Variants in TCF7L2 observed in about 807,000 individuals in gnomAD.
The protein encoded by TCF7L2 is transcription factor 7-like 2.
Under a neutral mutation model 77.9 loss-of-function variants are expected in TCF7L2, and 23 were observed. That is an observed-to-expected ratio of 0.30 (90% CI 0.21 to 0.42). The LOEUF (loss-of-function observed/expected upper bound fraction) is 0.42. Among genes scored for constraint, TCF7L2 ranks in the 10% least tolerant of loss-of-function variants. TCF7L2 has a pLI of 1.00. For synonymous variants in TCF7L2, 413 were observed against 340.2 expected (o/e 1.21, Z -2.36); for missense variants, 654 against 793.1 (o/e 0.82, Z 2.11).
chr10:113,107,184 C>T (rs1255025589), intron 5 of TCF7L2, among the ~76,000 whole-genome samples: 2 of 152,142 alleles, frequency 1.3e-5, no homozygotes, highest in Non-Finnish European at 2.9e-5. Flanking sequence ...AGAGCTTGGC[C>T]TGCCAAAGCT....
chr10:112,986,798 C>G (rs1055242074), intron 4 of TCF7L2, among the ~76,000 whole-genome samples: 2 of 152,168 alleles, frequency 1.3e-5, no homozygotes, highest in African/African-American at 4.8e-5. Flanking sequence ...GCTGCACTCA[C>G]CTCCGTCTCC....
intron 4 of TCF7L2, among the ~76,000 whole-genome samples, chr10:113,028,308 T>A (rs1399407679): frequency 6.6e-6 from 1 of 152,138 alleles, no homozygotes; most frequent in Non-Finnish European, 1.5e-5. Context: ...GCAGCAAGAC[T>A]TGCATGCAGG....
intron 5 of TCF7L2, among the ~76,000 whole-genome samples, chr10:113,072,713 T>C (rs115285261): frequency 0.026 from 4,003 of 152,282 alleles, 197 homozygotes; most frequent in African/African-American, 0.091. Flanking sequence ...TTGTGCATGC[T>C]TGGGAAACTG....
At chr10:113,015,657 T>G (rs905863316) in intron 4 of TCF7L2, among the ~76,000 whole-genome samples, 1 of 152,134 alleles carries the variant, frequency 6.6e-6, no homozygotes, top group Admixed American at 6.6e-5. Flanking sequence ...AAAAAATTTT[T>G]TTTTGTAGAG....
chr10:112,972,555 G>C (rs7897658), intron 4 of TCF7L2, among the ~76,000 whole-genome samples: 22,691 of 151,998 alleles, frequency 0.15, 2,957 homozygotes, highest in African/African-American at 0.35. Context: ...CTGCAGCCTC[G>C]ACCTCCCTGG....
At chr10:113,085,301 C>T (rs969173717) in intron 5 of TCF7L2, among the ~76,000 whole-genome samples, 4 of 151,538 alleles carry the variant, frequency 2.6e-5, no homozygotes, top group Non-Finnish European at 5.9e-5. Context: ...AACTCTTGAG[C>T]TCAAGCAGTC....
At chr10:112,987,176 A>G (rs915068651) in intron 4 of TCF7L2, among the ~76,000 whole-genome samples, 3 of 152,334 alleles carry the variant, frequency 2.0e-5, no homozygotes, top group Non-Finnish European at 4.4e-5. Flanking sequence ...CAAGAGAAAC[A>G]TCAAGATAAA....
At chr10:113,027,930 G>T (rs866490061) in intron 4 of TCF7L2, among the ~76,000 whole-genome samples, 2 of 152,178 alleles carry the variant, frequency 1.3e-5, no homozygotes, top group African/African-American at 2.4e-5. Flanking sequence ...TGAGTGACTA[G>T]GATTAGACCC....
intron 4 of TCF7L2, among the ~76,000 whole-genome samples, chr10:113,036,920 G>A (rs1346462877): frequency 6.6e-6 from 1 of 152,034 alleles, no homozygotes; most frequent in Non-Finnish European, 1.5e-5. Flanking sequence ...AACTAAGTCA[G>A]ATGGTTGGGA....
At chr10:112,951,746 T>C (rs1181268681) in intron 3 of TCF7L2, 139 bp downstream of exon 3, 3 of 278,736 alleles carry the variant, frequency 1.1e-5, no homozygotes, top group East Asian at 1.8e-4. Flanking sequence ...CCTCCCCCGC[T>C]CGTGGCCCAG....
chr10:113,115,981 A>G (rs2063684108), intron 5 of TCF7L2, among the ~76,000 whole-genome samples: 1 of 152,158 alleles, frequency 6.6e-6, no homozygotes, highest in Non-Finnish European at 1.5e-5. Context: ...CCTGTCTTCT[A>G]ATATTATGGA....
intron 5 of TCF7L2, among the ~76,000 whole-genome samples, chr10:113,051,228 CACACACACACACACAG>C (rs1336548967): frequency 6.7e-6 from 1 of 148,284 alleles, no homozygotes; most frequent in African/African-American, 2.5e-5. Context: ...CACACACACA[CACACACACACACACAG>C]ACACATACAT....
At chr10:113,136,492 C>T (rs1030137545) in intron 5 of TCF7L2, among the ~76,000 whole-genome samples, 1 of 152,186 alleles carries the variant, frequency 6.6e-6, no homozygotes, top group African/African-American at 2.4e-5. Flanking sequence ...AGTACAGCAA[C>T]GCAGGCTCTT....
At chr10:113,140,578 T>A (rs1213681191) in intron 5 of TCF7L2, among the ~76,000 whole-genome samples, 1 of 152,114 alleles carries the variant, frequency 6.6e-6, no homozygotes, top group Non-Finnish European at 1.5e-5. Flanking sequence ...GTTTAGAGCT[T>A]TCTGGTAAAG....
chr10:112,951,096 C>T (rs1386755436), intron 1 of TCF7L2, 111 bp from the exon 2 acceptor site: 2 of 1,299,366 alleles, frequency 1.5e-6, no homozygotes, highest in East Asian at 5.5e-5. Context: ...AAACTTGTAA[C>T]CCTGTTTTTT....
chr10:113,134,952 G>A (rs555563411), intron 5 of TCF7L2, among the ~76,000 whole-genome samples: 32 of 152,354 alleles, frequency 2.1e-4, no homozygotes, highest in African/African-American at 7.5e-4. Context: ...CAATAGGGGC[G>A]TATTGAAGAG....
intron 4 of TCF7L2, among the ~76,000 whole-genome samples, chr10:113,037,073 A>G (rs1396937170): frequency 6.6e-6 from 1 of 152,090 alleles, no homozygotes; most frequent in Non-Finnish European, 1.5e-5. Context: ...CTGTAATAGT[A>G]CCTAATTTCC....
intron 5 of TCF7L2, among the ~76,000 whole-genome samples, chr10:113,088,260 G>A (rs1225746120): frequency 6.6e-6 from 1 of 152,028 alleles, no homozygotes; most frequent in East Asian, 1.9e-4. Context: ...TAGAGCCATA[G>A]ACAGGCCAAT....
intron 5 of TCF7L2, among the ~76,000 whole-genome samples, chr10:113,138,741 G>T (rs750513115): frequency 1.3e-5 from 2 of 152,126 alleles, no homozygotes; most frequent in African/African-American, 2.4e-5. Context: ...ATGGCTCTTT[G>T]CCTCTGTGCT....
Sources: allele counts gnomAD v4.1 joint callset (sites outside exome capture counted in the v4.1 genomes callset), GRCh38; gene constraint gnomAD v4.1.1; transcripts MANE v1.5; gene names NCBI Gene and HGNC (gene_info 2026-07-23, HGNC 2026-07-21).